The following ALDH6A1 variants were observed in gnomAD, a reference collection of about 807,000 sequenced individuals.
ALDH6A1 encodes the protein methylmalonate-semialdehyde/malonate-semialdehyde dehydrogenase [acylating], mitochondrial.
In ALDH6A1, 43 loss-of-function variants were observed where a neutral mutation model predicts 62.6. The ratio of observed to expected loss-of-function variants is 0.69; its 90% CI spans 0.54 to 0.89. The LOEUF (loss-of-function observed/expected upper bound fraction) is 0.89, where lower values mean the gene tolerates loss of function less well. ALDH6A1 is among the 40% of genes least tolerant of loss of function. The probability of loss-of-function intolerance (pLI) is 0.00; values close to 1 mark genes in which losing one functional copy is unlikely to be tolerated. For missense variants in ALDH6A1, 551 were observed against 661.3 expected (o/e 0.83, Z 1.83); for synonymous variants, 194 against 234.2 (o/e 0.83, Z 1.57).
Position 74,066,832 on chromosome 14 carries a change from C to A in ALDH6A1, c.1097G>T (p.Arg366Leu). ...TCCACTATCAATCAGATTACAGACT[C>A]GCTCTTTGGCCTGGGGAGTGATCAG... ...GPLITPQAKE[R>L]VCNLIDSGTK... Residue 366 changes from arginine to leucine, a missense_variant, in exon 9 of 12, where the codon CGA (arginine) becomes CTA (leucine). Transcript: ENST00000553458. 5 of 1,614,066 alleles carry A rather than the reference C, an allele frequency of 3.1e-6. No homozygotes were observed. Among genetic ancestry groups the A allele is most frequent in the Non-Finnish European group, 2.5e-6 (3 of 1,179,986 alleles).
Position 74,067,390 on chromosome 14 carries a change from T to A in ALDH6A1, c.1032A>T (p.Arg344Ser). The A allele has an allele frequency of 6.2e-7, 1 of 1,613,372 alleles. No homozygotes were observed. The highest frequency in any genetic ancestry group is 8.5e-7 in the Non-Finnish European group (1 of 1,180,032). ...PELVEHAKNL[R>S]VNAGDQPGAD... is the part of the protein sequence containing the mutation. ...CAGGTGATTGATTACCTGCATTGAC[T>A]CTCAGGTTTTTGGCATGCTCCACCA... Residue 344 changes from arginine (R) to serine (S), a missense_variant, in exon 8 of 12, where the codon AGA becomes AGT. By Grantham distance (110) the Arg-to-Ser change is moderately radical. Coordinates refer to ENST00000553458, the MANE Select transcript of ALDH6A1 (RefSeq NM_005589.4).
chr14:74,072,331 C>G lies in ALDH6A1; in HGVS notation c.220G>C (p.Ala74Pro). The G allele has an allele frequency of 6.2e-7, 1 of 1,614,182 alleles. No individual in the cohort carries two copies. The highest frequency in any genetic ancestry group is 2.2e-5 in the East Asian group (1 of 44,878). The change falls in exon 4 of 12, where the codon GCC becomes CCC. Residue 74 changes from alanine to proline, a missense_variant. Coordinates refer to ENST00000553458, the MANE Select transcript of ALDH6A1 (RefSeq NM_005589.4). ...GCTGCATCCATTTCTGCCTTGGTGG[C>G]CTGAGGGACCCGACCAATGACCTCA... The part of the protein sequence containing the change: ...TNEVIGRVPQ[A>P]TKAEMDAAIA...
At chr14:74,078,089 TA>T (rs1402131305) in intron 1 of ALDH6A1, 1 of 421,294 alleles carries the variant, frequency 2.4e-6, no homozygotes, top group Non-Finnish European at 4.7e-6. Flanking sequence ...AATAAACACT[TA>T]TTGTTTATTT....
chr14:74,066,664 G>T (rs750803758), intron 9 of ALDH6A1, 41 bp downstream of exon 9: 8 of 1,562,636 alleles, frequency 5.1e-6, no homozygotes, highest in Non-Finnish European at 7.1e-6. Context: ...AGCCTTTAAG[G>T]TGCCTTCAGC....
rs752590100 is a variant in ALDH6A1 at position 74,068,840 on chromosome 14, A to G, written c.852+20T>C. On this transcript the variant is annotated intron_variant, in intron 7 of 11. Transcript: ENST00000553458. The stretch of plus-strand genomic sequence containing the variant: ...TCATATATAGAACAAAGATTGGAGA[A>G]AAAAGGAATAAGAAGTCACCATATT... 6.2e-7 allele frequency: 1 copy of G among 1,613,538 alleles called. No homozygotes were observed. Among genetic ancestry groups the G allele is most frequent in the South Asian group, 1.1e-5 (1 of 91,084 alleles).
chr14:74,084,348 T>C lies in ALDH6A1; in HGVS notation c.47A>G (p.Gln16Arg). 6.2e-7 allele frequency: 1 copy of C among 1,613,720 alleles called. No homozygotes were observed. The highest frequency in any genetic ancestry group is 8.5e-7 in the Non-Finnish European group (1 of 1,179,936). The change falls in exon 1 of 12, where the codon CAG (glutamine) becomes CGG (arginine). Residue 16 changes from glutamine (Q) to arginine (R), a missense_variant and splice_region_variant. Physicochemically the swap from Gln to Arg is conservative, Grantham distance 43. Coordinates refer to ENST00000553458, the MANE Select transcript of ALDH6A1 (RefSeq NM_005589.4). ...TGCCTTGGCACCACCCTCACTCGCC[T>C]GCAGGATCCGGGCTCGCACTGCCGC... The part of the protein sequence containing the change: ...AAAAVRARIL[Q>R]VSSKVKSSPT...
chr14:74,078,781 A>G (rs10138329), intron 1 of ALDH6A1, among the ~76,000 whole-genome samples: 35,164 of 151,620 alleles, frequency 0.23, 4,856 homozygotes, highest in South Asian at 0.46. Flanking sequence ...TGCCTGCCTC[A>G]GCCTCCCAAA....
At position 74,071,510 on chromosome 14, in the gene ALDH6A1, A is replaced by G; in HGVS notation, c.428-13T>C. On this transcript the variant is annotated splice_polypyrimidine_tract_variant and intron_variant, in intron 5 of 11. Coordinates refer to ENST00000553458, the MANE Select transcript of ALDH6A1 (RefSeq NM_005589.4). ...TGCTCAACCACCTCTGGAACACAGA[A>G]GTCAGGCCATCAGCTCTCCACACTG... 6.2e-7 allele frequency: 1 copy of G among 1,613,476 alleles called. No homozygotes were observed. The highest frequency in any genetic ancestry group is 8.5e-7 in the Non-Finnish European group (1 of 1,180,016).
At chr14:74,070,422 G>A (rs1205960029) in intron 6 of ALDH6A1, among the ~76,000 whole-genome samples, 2 of 152,110 alleles carry the variant, frequency 1.3e-5, no homozygotes, top group Non-Finnish European at 2.9e-5. Flanking sequence ...AAGAGGCAGA[G>A]GCAGGAAAAT....
intron 1 of ALDH6A1, among the ~76,000 whole-genome samples, chr14:74,084,062 A>G (rs2060697307): frequency 6.6e-6 from 1 of 152,206 alleles, no homozygotes; most frequent in African/African-American, 2.4e-5. Flanking sequence ...GAGTGACAGC[A>G]GGGAGCGGGC....
intron 1 of ALDH6A1, among the ~76,000 whole-genome samples, chr14:74,082,329 A>G (rs367991045): frequency 1.9e-4 from 28 of 151,182 alleles, no homozygotes; most frequent in South Asian, 1.2e-3. Context: ...AATTGAAAAC[A>G]TTAACTTTCT....
chr14:74,071,758 T>C (rs1159561772), intron 5 of ALDH6A1, 138 bp downstream of exon 5: 3 of 1,452,516 alleles, frequency 2.1e-6, no homozygotes, highest in Admixed American at 1.8e-5. Context: ...AATACTGCCA[T>C]TTTTCACAAG....
At chr14:74,066,368 C>T (rs2060465138) in intron 9 of ALDH6A1, among the ~76,000 whole-genome samples, 1 of 152,068 alleles carries the variant, frequency 6.6e-6, no homozygotes, top group African/African-American at 2.4e-5. Context: ...TATCAGTGTC[C>T]ATAAATAACA....
chr14:74,074,476 G>A (rs750272790), intron 2 of ALDH6A1, among the ~76,000 whole-genome samples: 7 of 151,214 alleles, frequency 4.6e-5, no homozygotes, highest in Non-Finnish European at 7.4e-5. Flanking sequence ...TAGTAGAGAT[G>A]TGGTTTCCCC....
At position 74,072,539 on chromosome 14, in the gene ALDH6A1, G is replaced by A. The variant is rs796065046; in HGVS notation, c.184C>T (p.Pro62Ser). ...KSDKWIDIHNPATNEVIGRVP... is the reference protein window; with the variant it reads ...KSDKWIDIHNSATNEVIGRVP... The stretch of plus-strand genomic sequence containing the variant: ...AGTCCCAAAGCAGCTTCGCTTACTG[G>A]GTTGTGGATATCGATCCATTTGTCA... The change falls in exon 3 of 12, where the codon CCA (proline) becomes TCA (serine). Residue 62 changes from proline to serine, a missense_variant and splice_region_variant. Pro to Ser is a moderately conservative substitution (Grantham distance 74). Transcript: ENST00000553458. 6.2e-7 allele frequency: 1 copy of A among 1,614,078 alleles called. No homozygotes were observed. Among genetic ancestry groups the A allele is most frequent in the South Asian group, 1.1e-5 (1 of 91,082 alleles).
At chr14:74,078,342 T>G in intron 1 of ALDH6A1, 4 of 432,992 alleles carry the variant, frequency 9.2e-6, no homozygotes, top group South Asian at 5.0e-5. Context: ...ATATGTGGAC[T>G]GGATGAAGAG....
intron 1 of ALDH6A1, among the ~76,000 whole-genome samples, chr14:74,082,492 C>T (rs4903180): frequency 0.019 from 2,762 of 147,372 alleles, 53 homozygotes; most frequent in African/African-American, 0.052. Context: ...CTCCGTCTTC[C>T]GGGTTCAAGC....
intron 1 of ALDH6A1, among the ~76,000 whole-genome samples, chr14:74,081,429 T>C (rs1377729171): frequency 2.6e-5 from 4 of 152,232 alleles, no homozygotes; most frequent in South Asian, 2.1e-4. Flanking sequence ...TTTTCACTTG[T>C]ATACAGCCTC....
At chr14:74,062,426 A>AC (rs1474570734) in intron 11 of ALDH6A1, among the ~76,000 whole-genome samples, 1 of 151,984 alleles carries the variant, frequency 6.6e-6, no homozygotes, top group Non-Finnish European at 1.5e-5. Flanking sequence ...ACATGGCGAA[A>AC]CCCCGTCTCT....
Sources: allele counts gnomAD v4.1 joint callset (sites outside exome capture counted in the v4.1 genomes callset), GRCh38; gene constraint gnomAD v4.1.1; transcripts MANE v1.5; gene names NCBI Gene and HGNC (gene_info 2026-07-23, HGNC 2026-07-21).